RIMS2: variants seen among roughly 807,000 people sequenced by gnomAD.
RIMS2 encodes the protein regulating synaptic membrane exocytosis protein 2.
A neutral mutation model predicts 174.4 loss-of-function variants in RIMS2; 59 were observed. The ratio of observed to expected loss-of-function variants is 0.34; its 90% CI spans 0.27 to 0.42. The LOEUF is 0.42. Among genes scored for constraint, RIMS2 ranks in the 10% least tolerant of loss-of-function variants. The probability of loss-of-function intolerance (pLI) is 1.00; values close to 1 mark genes in which losing one functional copy is unlikely to be tolerated. For synonymous variants in RIMS2, 606 were observed against 572.5 expected, an observed-to-expected ratio of 1.06 and a Z score of -0.84; for missense variants, 1,620 against 1,666.3, an observed-to-expected ratio of 0.97 and a Z score of 0.48.
intron 1 of RIMS2, among the ~76,000 whole-genome samples, chr8:103,681,851 G>C (rs544664444): frequency 6.6e-6 from 1 of 152,162 alleles, no homozygotes; most frequent in African/African-American, 2.4e-5. Flanking sequence ...GCCTAACTAG[G>C]AGACTATTCT....
intron 19 of RIMS2, among the ~76,000 whole-genome samples, chr8:104,193,135 CAT>C (rs6150739): frequency 0.12 from 17,613 of 151,768 alleles, 1,462 homozygotes; most frequent in African/African-American, 0.23. Flanking sequence ...TAATTTTCTA[CAT>C]GTTTAATGTG....
At chr8:103,772,876 G>A (rs754847704) in intron 3 of RIMS2, among the ~76,000 whole-genome samples, 4 of 152,110 alleles carry the variant, frequency 2.6e-5, no homozygotes, top group Non-Finnish European at 5.9e-5. Context: ...AACAAATGGT[G>A]CTGGAATAAC....
Position 103,799,629 on chromosome 8 carries a change from A to G in RIMS2, c.698+33092A>G, listed in dbSNP as rs192605271. Among the ~76,000 whole-genome samples the G allele has an allele frequency of 8.5e-5, 13 of 152,266 alleles. No homozygotes were observed. In the East Asian group the frequency reaches 2.1e-3, roughly 25 times the overall value. The stretch of plus-strand genomic sequence containing the variant: ...TTACTAATATTTGATATTACTAAGC[A>G]TTTCATGTGTTTGCAGTCTGGTGGA... On this transcript the variant is annotated intron_variant, in intron 3 of 23. Coordinates refer to ENST00000504942, the Ensembl canonical transcript of RIMS2.
chr8:103,875,971 T>C (rs767944470), intron 3 of RIMS2, among the ~76,000 whole-genome samples: 1 of 151,984 alleles, frequency 6.6e-6, no homozygotes, highest in Non-Finnish European at 1.5e-5. Flanking sequence ...GGTTTTTTGC[T>C]GATTTGTTTG....
intron 15 of RIMS2, among the ~76,000 whole-genome samples, chr8:103,966,727 C>G (rs2091921117): frequency 1.3e-5 from 2 of 151,882 alleles, no homozygotes; most frequent in Non-Finnish European, 2.9e-5. Context: ...TTAGGTATTG[C>G]TTTTTTTCTA....
At chr8:104,162,407 A>T (rs950227794) in intron 19 of RIMS2, among the ~76,000 whole-genome samples, 1 of 152,182 alleles carries the variant, frequency 6.6e-6, no homozygotes, top group Non-Finnish European at 1.5e-5. Context: ...TAAAAAATGT[A>T]ATTAGCAATA....
intron 1 of RIMS2, among the ~76,000 whole-genome samples, chr8:103,600,259 TTTTCTTTCTTTC>T (rs71575973): frequency 6.0e-5 from 9 of 151,172 alleles, no homozygotes; most frequent in African/African-American, 2.2e-4. Context: ...AAATGCTACA[TTTTCTTTCTTTC>T]TTTCTTTCTT....
At chr8:104,071,736 G>A (rs563102422) in intron 19 of RIMS2, among the ~76,000 whole-genome samples, 7 of 152,008 alleles carry the variant, frequency 4.6e-5, no homozygotes, top group Non-Finnish European at 1.0e-4. Flanking sequence ...ACGCCCGGCC[G>A]GGTCCCTGTG....
At chr8:103,992,274 ATTTTTT>A (rs1186537194) in intron 17 of RIMS2, among the ~76,000 whole-genome samples, 12 of 107,072 alleles carry the variant, frequency 1.1e-4, no homozygotes, top group Non-Finnish European at 1.4e-4. Flanking sequence ...ATGTCCAGCT[ATTTTTT>A]TTTTTTTTTT....
intron 1 of RIMS2, among the ~76,000 whole-genome samples, chr8:103,673,629 G>A (rs567448144): frequency 1.1e-4 from 17 of 152,326 alleles, no homozygotes; most frequent in African/African-American, 3.6e-4. Flanking sequence ...ATGTCTTGAG[G>A]TGGCACAGGG....
At chr8:104,228,385 C>G (rs2099202875) in intron 19 of RIMS2, among the ~76,000 whole-genome samples, 1 of 152,114 alleles carries the variant, frequency 6.6e-6, no homozygotes, top group Admixed American at 6.6e-5. Context: ...AGAGACATAT[C>G]TTATTCTAGT....
chr8:104,015,332 G>A (rs1195208845), intron 19 of RIMS2: 3 of 599,438 alleles, frequency 5.0e-6, no homozygotes, highest in South Asian at 4.1e-5. Context: ...TGTGCTTTTG[G>A]AAATTTCTGT....
chr8:104,216,196 CTAAA>C (rs2099128945), intron 19 of RIMS2, among the ~76,000 whole-genome samples: 1 of 152,074 alleles, frequency 6.6e-6, no homozygotes, highest in Non-Finnish European at 1.5e-5. Flanking sequence ...CTGGTGATAG[CTAAA>C]TAAAGATTTA....
At chr8:103,699,924 G>A (rs1032856449) in intron 2 of RIMS2, among the ~76,000 whole-genome samples, 2 of 151,918 alleles carry the variant, frequency 1.3e-5, no homozygotes, top group African/African-American at 4.8e-5. Context: ...TACCTCTCTC[G>A]TGGTTTTAGA....
intron 17 of RIMS2, among the ~76,000 whole-genome samples, chr8:103,991,619 G>A (rs2094704255): frequency 6.6e-6 from 1 of 152,076 alleles, no homozygotes. Flanking sequence ...GCCTAAGAGA[G>A]AATTTCCTTT....
intron 1 of RIMS2, among the ~76,000 whole-genome samples, chr8:103,504,688 C>A (rs1030343753): frequency 4.3e-4 from 66 of 151,878 alleles, no homozygotes; most frequent in Admixed American, 4.2e-3. Context: ...AAAAATTTTC[C>A]TGATAGGTTA....
chr8:103,798,373 C>T (rs754660129), intron 3 of RIMS2, among the ~76,000 whole-genome samples: 4 of 152,040 alleles, frequency 2.6e-5, no homozygotes, highest in Admixed American at 1.3e-4. Flanking sequence ...TTAAAACCAA[C>T]TAAATTTTAA....
intron 1 of RIMS2, among the ~76,000 whole-genome samples, chr8:103,675,165 G>A (rs1291448699): frequency 6.6e-6 from 1 of 152,068 alleles, no homozygotes; most frequent in Non-Finnish European, 1.5e-5. Flanking sequence ...GCCCGCTTTG[G>A]CCTCCCAAAG....
At chr8:103,951,744 C>T (rs2154543397) in intron 14 of RIMS2, among the ~76,000 whole-genome samples, 1 of 152,310 alleles carries the variant, frequency 6.6e-6, no homozygotes, top group South Asian at 2.1e-4. Flanking sequence ...AGAATGCCAG[C>T]AAGACAGAAC....
Sources: gnomAD v4.1 joint callset for allele counts (sites outside exome capture counted in the v4.1 genomes callset) on GRCh38, gnomAD v4.1.1 for gene constraint, MANE v1.5 for transcripts, NCBI Gene and HGNC (gene_info 2026-07-23, HGNC 2026-07-21) for gene names.